The following GANC variants were observed in gnomAD, a reference collection of about 807,000 sequenced individuals.
The protein encoded by GANC is neutral alpha-glucosidase C.
In GANC, 117 loss-of-function variants were observed where a neutral mutation model predicts 124.2. That is an observed-to-expected ratio of 0.94 (90% CI 0.81 to 1.10). GANC has a LOEUF of 1.10. GANC is among the 50% of genes least tolerant of loss of function. The pLI, the probability that GANC is intolerant of heterozygous loss-of-function variation, is 0.00. For missense variants in GANC, 1,140 were observed against 1,095.0 expected (o/e 1.04, Z -0.58); for synonymous variants, 377 against 376.8 (o/e 1.00, Z -0.01).
rs781697754 is a variant in GANC, at chr15:42,351,342, A to G, written c.2545A>G (p.Arg849Gly). 1 of 1,613,678 alleles carries G rather than the reference A, an allele frequency of 6.2e-7. No individual in the cohort carries two copies. The highest frequency in any genetic ancestry group is 2.2e-5 in the East Asian group (1 of 44,876). Residue 849 changes from arginine to glycine, a missense_variant, in exon 23 of 24, where the codon AGG becomes GGG. Arg to Gly is a moderately radical substitution (Grantham distance 125, BLOSUM62 -2). Transcript: ENST00000318010. ...SVLINSFADQ[R>G]GHYPSKCVVE... ...TATCTATTCCAGTTTTGCTGACCAG[A>G]GGGGTCATTATCCCAGCAAGTGTGT...
At chr15:42,298,241 AT>A (rs1335933762) in intron 6 of GANC, among the ~76,000 whole-genome samples, 2 of 152,204 alleles carry the variant, frequency 1.3e-5, no homozygotes, top group Non-Finnish European at 2.9e-5. Flanking sequence ...ATTTGAAGAA[AT>A]GGAATATGTA....
At chr15:42,333,534 C>T (rs537190792) in intron 15 of GANC, among the ~76,000 whole-genome samples, 162 of 152,278 alleles carry the variant, frequency 1.1e-3, no homozygotes, top group Non-Finnish European at 1.9e-3. Context: ...CTTAGCAACT[C>T]TTCAGTAAAT....
In GANC at chr15:42,329,338, C is replaced by CATGA; in HGVS notation, c.1538_1541dup (p.Pro515Ter). 6.2e-7 allele frequency: 1 copy of CATGA among 1,613,912 alleles called. No individual in the cohort carries two copies. Among genetic ancestry groups the CATGA allele is most frequent in the Middle Eastern group, 1.6e-4 (1 of 6,062 alleles). Reference sequence around the variant, plus strand: ...CGGACATCCTCTTCCTTTGGAATGACATGAATGAGCCTTCTGTCTTTAGAG... The same window carrying CATGA: ...CGGACATCCTCTTCCTTTGGAATGACATGAATGAATGAGCCTTCTGTCTTTAGAG... On this transcript the variant is annotated frameshift_variant, in exon 14 of 24. Coordinates refer to ENST00000318010, the MANE Select transcript of GANC (RefSeq NM_198141.3). LOFTEE classifies it high-confidence loss of function.
At chr15:42,318,567 A>G (rs1036841347) in intron 10 of GANC, among the ~76,000 whole-genome samples, 6 of 152,136 alleles carry the variant, frequency 3.9e-5, no homozygotes, top group Non-Finnish European at 7.4e-5. Context: ...GAAATTTTGT[A>G]ATAAAATCCC....
chr15:42,338,538 G>A, intron 16 of GANC, 48 bp downstream of exon 16: 1 of 1,340,488 alleles, frequency 7.5e-7, no homozygotes, highest in Non-Finnish European at 1.1e-6. Context: ...TAAAAAATGA[G>A]GGTGTTTTCA....
At chr15:42,279,413 T>C (rs1168977617) in intron 3 of GANC, among the ~76,000 whole-genome samples, 1 of 152,214 alleles carries the variant, frequency 6.6e-6, no homozygotes, top group East Asian at 1.9e-4. Context: ...AAAAGGACTA[T>C]GCAGTTGAAA....
chr15:42,276,491 T>G, intron 2 of GANC, 81 bp downstream of exon 2: 3 of 665,820 alleles, frequency 4.5e-6, no homozygotes, highest in Non-Finnish European at 5.4e-6. Context: ...TTTTTGGAAC[T>G]GATAGACTTT....
In GANC at chr15:42,305,885, T is replaced by C. The variant is rs191371041; in HGVS notation, c.559-661T>C. ...ACATGTTCTCACTCATAAGTGGGAG[T>C]TGAACAATGAGAACACATGGACACA... On this transcript the variant is annotated intron_variant, in intron 6 of 23. Coordinates refer to ENST00000318010, the MANE Select transcript of GANC (RefSeq NM_198141.3). Among the ~76,000 whole-genome samples the C allele has an allele frequency of 4.8e-3, 725 of 151,098 alleles. 5 individuals are homozygous for C. Among genetic ancestry groups the C allele is most frequent in the Non-Finnish European group, 6.6e-3 (444 of 67,746 alleles).
chr15:42,313,541 G>C (rs533274752), intron 10 of GANC: 23 of 152,824 alleles, frequency 1.5e-4, no homozygotes, highest in African/African-American at 5.5e-4. Flanking sequence ...GCAACAAAAA[G>C]ACAGGCTGAG....
Position 42,353,519 on chromosome 15 carries a change from G to A in GANC, c.*1380G>A, listed in dbSNP as rs527896652. On this transcript the variant is annotated 3_prime_UTR_variant, in exon 24 of 24. Coordinates refer to ENST00000318010, the MANE Select transcript of GANC (RefSeq NM_198141.3). ...ACCTTAATGTTTTCAGTATGTCTGCGTTCTCCTACTAGATTGTATGTCCCT... is the reference window on the plus strand; with the variant it reads ...ACCTTAATGTTTTCAGTATGTCTGCATTCTCCTACTAGATTGTATGTCCCT... 3.0e-5 allele frequency: 29 copies of A among 962,084 alleles called. No individual in the cohort carries two copies. Among genetic ancestry groups the A allele is most frequent in the African/African-American group, 2.3e-4 (13 of 56,456 alleles). 59.6% of individuals were successfully genotyped at this position (962,084 alleles called of 1,614,324 possible).
chr15:42,283,165 C>T (rs1296098663), intron 3 of GANC, among the ~76,000 whole-genome samples: 1 of 152,158 alleles, frequency 6.6e-6, no homozygotes, highest in African/African-American at 2.4e-5. Context: ...AGAATGTTGA[C>T]CTGTGTGTTG....
chr15:42,348,665 T>G (rs568831986), intron 21 of GANC, among the ~76,000 whole-genome samples: 2 of 152,328 alleles, frequency 1.3e-5, no homozygotes, highest in African/African-American at 2.4e-5. Flanking sequence ...GATCCAGAAG[T>G]GATGTGTCCT....
At chr15:42,308,138 C>A in intron 7 of GANC, 84 bp from the exon 8 acceptor site, 1 of 792,274 alleles carries the variant, frequency 1.3e-6, no homozygotes, top group South Asian at 2.0e-5. Context: ...TTAGTCTAGT[C>A]ATCTCTCTGC....
chr15:42,343,951 A>G (rs1302101605), intron 19 of GANC, among the ~76,000 whole-genome samples: 2 of 152,116 alleles, frequency 1.3e-5, no homozygotes, highest in African/African-American at 4.8e-5. Context: ...CAGGCAGGGG[A>G]AGAGCCACGC....
At chr15:42,303,378 T>C (rs1595770391) in intron 6 of GANC, among the ~76,000 whole-genome samples, 1 of 151,920 alleles carries the variant, frequency 6.6e-6, no homozygotes, top group Admixed American at 6.6e-5. Context: ...AAAGGAAAAA[T>C]CAGCCCTAGC....
chr15:42,282,870 G>A (rs907639123), intron 3 of GANC, among the ~76,000 whole-genome samples: 2 of 152,196 alleles, frequency 1.3e-5, no homozygotes, highest in African/African-American at 4.8e-5. Flanking sequence ...TCTGGTGAGG[G>A]CTCTCTTCTT....
rs754183079 is a variant in GANC at position 42,343,117 on chromosome 15, C to T, written c.2192C>T (p.Ala731Val). The T allele has an allele frequency of 6.2e-7, 1 of 1,614,084 alleles. No homozygotes were observed. Among genetic ancestry groups the T allele is most frequent in the East Asian group, 2.2e-5 (1 of 44,862 alleles). The change falls in exon 19 of 24, where the codon GCC becomes GTC. Residue 731 changes from alanine to valine, a missense_variant. Coordinates refer to ENST00000318010, the MANE Select transcript of GANC (RefSeq NM_198141.3). ...GTTCATCCAGTCACAGAACCAAAAGCCACCACAGTTGATGTGTTTCTTCCA... is the reference window on the plus strand; with the variant it reads ...GTTCATCCAGTCACAGAACCAAAAGTCACCACAGTTGATGTGTTTCTTCCA... The part of the protein sequence containing the change: ...LLVHPVTEPK[A>V]TTVDVFLPGS...
chr15:42,303,670 G>GA (rs150074091), intron 6 of GANC, among the ~76,000 whole-genome samples: 7,522 of 128,522 alleles, frequency 0.059, 397 homozygotes, highest in African/African-American at 0.13. Flanking sequence ...TATTTACCAA[G>GA]AAAAAAAAAA....
At chr15:42,314,250 A>T (rs2052083469) in intron 10 of GANC, 1 of 692,734 alleles carries the variant, frequency 1.4e-6, no homozygotes, top group Non-Finnish European at 2.6e-6. Context: ...GCTACCCAGC[A>T]TGGAATTTAA....
Sources: gnomAD v4.1 joint callset for allele counts (sites outside exome capture counted in the v4.1 genomes callset) on GRCh38, gnomAD v4.1.1 for gene constraint, MANE v1.5 for transcripts, NCBI Gene and HGNC (gene_info 2026-07-23, HGNC 2026-07-21) for gene names.